SLC35D4: variants seen among roughly 807,000 people sequenced by gnomAD.
SLC35D4 encodes the protein UDP-N-acetylglucosamine transporter SLC35D4.
chr18:23,353,409 G>A, the SLC35D4 span, among the ~76,000 whole-genome samples: 5 of 152,192 alleles, frequency 3.3e-5, no homozygotes, highest in Non-Finnish European at 4.4e-5. Context: ...TATTTTCAAC[G>A]GAGCCTAATA....
the SLC35D4 span, among the ~76,000 whole-genome samples, chr18:23,397,897 T>A: frequency 6.6e-6 from 1 of 151,732 alleles, no homozygotes; most frequent in East Asian, 1.9e-4. Context: ...TAAAAGAAAA[T>A]AAATAAATAG....
the SLC35D4 span, among the ~76,000 whole-genome samples, chr18:23,404,133 T>C: frequency 6.6e-6 from 1 of 152,084 alleles, no homozygotes; most frequent in South Asian, 2.1e-4. Context: ...AAAAAGTAAA[T>C]ACACATAACA....
the SLC35D4 span, among the ~76,000 whole-genome samples, chr18:23,337,994 CG>C: frequency 6.6e-6 from 1 of 152,144 alleles, no homozygotes; most frequent in African/African-American, 2.4e-5. Context: ...TCAGGGATGG[CG>C]GTCATGTTAC....
chr18:23,309,820 G>A, the SLC35D4 span: 2 of 1,431,270 alleles, frequency 1.4e-6, no homozygotes, highest in African/African-American at 1.4e-5. Flanking sequence ...TTTTTCACAA[G>A]CTTAGCTCAC....
the SLC35D4 span, among the ~76,000 whole-genome samples, chr18:23,391,555 A>G: frequency 1.3e-5 from 2 of 152,222 alleles, no homozygotes; most frequent in African/African-American, 4.8e-5. Context: ...TGGCGTGATC[A>G]TAACTCACTG....
chr18:23,298,032 A>C, the SLC35D4 span: 2 of 1,613,562 alleles, frequency 1.2e-6, no homozygotes, highest in Admixed American at 3.3e-5. Context: ...CTCTGAGAAA[A>C]CCAGCAAGGC....
chr18:23,262,649 C>T, the SLC35D4 span, among the ~76,000 whole-genome samples: 6 of 152,334 alleles, frequency 3.9e-5, no homozygotes, highest in East Asian at 7.7e-4. Context: ...AGATGAGCCT[C>T]AATGTGGAAG....
At chr18:23,328,103 A>C in the SLC35D4 span, among the ~76,000 whole-genome samples, 3 of 152,254 alleles carry the variant, frequency 2.0e-5, no homozygotes, top group Non-Finnish European at 2.9e-5. Context: ...TATCATACTG[A>C]ATGGGCAAAA....
chr18:23,252,608 G>A, the SLC35D4 span, among the ~76,000 whole-genome samples: 5 of 152,246 alleles, frequency 3.3e-5, no homozygotes, highest in Admixed American at 3.3e-4. Flanking sequence ...TTGAACCCAG[G>A]TCTGTGCACA....
the SLC35D4 span, among the ~76,000 whole-genome samples, chr18:23,283,471 C>CAAAAAAAAAAAAA: frequency 5.0e-4 from 22 of 44,278 alleles, no homozygotes; most frequent in South Asian, 9.0e-4. Flanking sequence ...GACCCAGTCT[C>CAAAAAAAAAAAAA]AAAAAAAAAA....
the SLC35D4 span, chr18:23,352,048 C>T: frequency 1.8e-6 from 1 of 559,720 alleles, no homozygotes; most frequent in Admixed American, 3.4e-5. Context: ...CCTCAGAAAT[C>T]GTTACCTGAA....
the SLC35D4 span, among the ~76,000 whole-genome samples, chr18:23,244,945 CG>C: frequency 6.6e-6 from 1 of 152,174 alleles, no homozygotes; most frequent in Non-Finnish European, 1.5e-5. Flanking sequence ...TGAAGGAGGC[CG>C]GAGCTTTATC....
At chr18:23,365,353 G>A in the SLC35D4 span, among the ~76,000 whole-genome samples, 1 of 152,208 alleles carries the variant, frequency 6.6e-6, no homozygotes, top group South Asian at 2.1e-4. Context: ...TTTCAGAAGC[G>A]GGCAAAATAA....
the SLC35D4 span, among the ~76,000 whole-genome samples, chr18:23,246,604 G>A: frequency 3.3e-5 from 5 of 151,854 alleles, no homozygotes; most frequent in East Asian, 2.0e-4. Flanking sequence ...TGTTAGCCAG[G>A]ATGGTCTCGA....
the SLC35D4 span, among the ~76,000 whole-genome samples, chr18:23,402,172 C>G: frequency 6.6e-6 from 1 of 152,200 alleles, no homozygotes; most frequent in Non-Finnish European, 1.5e-5. Context: ...ACACACCAAC[C>G]TAAGACCATA....
chr18:23,430,587 G>C, the SLC35D4 span: 14 of 1,473,078 alleles, frequency 9.5e-6, no homozygotes, highest in Non-Finnish European at 1.2e-5. Flanking sequence ...ATGGTGGTTG[G>C]ACATTTCCTA....
At chr18:23,316,852 T>C in the SLC35D4 span, among the ~76,000 whole-genome samples, 3 of 152,170 alleles carry the variant, frequency 2.0e-5, no homozygotes, top group African/African-American at 7.2e-5. Context: ...GGGCATAAAA[T>C]GTCCCAGACA....
the SLC35D4 span, chr18:23,254,026 G>A: frequency 9.4e-7 from 1 of 1,061,106 alleles, no homozygotes; most frequent in Middle Eastern, 2.0e-4. Context: ...ACCCTGCCTG[G>A]AAGGATTCTG....
At chr18:23,249,321 A>G in the SLC35D4 span, among the ~76,000 whole-genome samples, 1 of 152,228 alleles carries the variant, frequency 6.6e-6, no homozygotes, top group East Asian at 1.9e-4. Flanking sequence ...ATAGAGTAGA[A>G]TGGAGGCGAG....
Sources: allele counts gnomAD v4.1 joint callset (sites outside exome capture counted in the v4.1 genomes callset), GRCh38; gene constraint gnomAD v4.1.1; transcripts MANE v1.5; gene names NCBI Gene and HGNC (gene_info 2026-07-23, HGNC 2026-07-21).